Variants in TMEM135 observed in about 807,000 individuals in gnomAD.
TMEM135 encodes peroxisomal membrane protein 52.
Under a neutral mutation model 60.3 loss-of-function variants are expected in TMEM135, and 30 were observed. The ratio of observed to expected loss-of-function variants is 0.50; its 90% CI spans 0.37 to 0.68. TMEM135 has a LOEUF of 0.68. Ranked by LOEUF, TMEM135 falls within the 30% of genes least tolerant of loss-of-function variation. The probability of loss-of-function intolerance (pLI) is 0.00; values close to 1 mark genes in which losing one functional copy is unlikely to be tolerated. For synonymous variants in TMEM135, 190 were observed against 186.7 expected (o/e 1.02, Z -0.14); for missense variants, 468 against 548.8 (o/e 0.85, Z 1.47).
intron 4 of TMEM135, among the ~76,000 whole-genome samples, chr11:87,147,848 C>T (rs929696295): frequency 2.6e-5 from 4 of 152,198 alleles, no homozygotes; most frequent in Non-Finnish European, 5.9e-5. Context: ...ACCTCCACCT[C>T]CTGGGTTCAA....
intron 7 of TMEM135, among the ~76,000 whole-genome samples, chr11:87,300,108 T>C (rs1942417252): frequency 1.3e-5 from 2 of 152,214 alleles, no homozygotes; most frequent in South Asian, 4.1e-4. Flanking sequence ...AATATAATAA[T>C]AGCTTCTATA....
chr11:87,299,044 C>T (rs1232307223), intron 7 of TMEM135, among the ~76,000 whole-genome samples: 1 of 151,092 alleles, frequency 6.6e-6, no homozygotes, highest in African/African-American at 2.4e-5. Context: ...GCCGAGATTG[C>T]GCCACTGCAC....
At chr11:87,315,713 C>T (rs1040255264) in intron 12 of TMEM135, among the ~76,000 whole-genome samples, 2 of 151,854 alleles carry the variant, frequency 1.3e-5, no homozygotes, top group Non-Finnish European at 2.9e-5. Context: ...TCTGGAAAGT[C>T]AAAATAAAAT....
chr11:87,316,492 C>T (rs1942731808), intron 12 of TMEM135, among the ~76,000 whole-genome samples: 1 of 151,944 alleles, frequency 6.6e-6, no homozygotes. Context: ...TTAAGAAGAA[C>T]ATTTTGGCCA....
intron 6 of TMEM135, among the ~76,000 whole-genome samples, chr11:87,248,280 G>C (rs1311508784): frequency 6.6e-6 from 1 of 152,182 alleles, no homozygotes; most frequent in Non-Finnish European, 1.5e-5. Flanking sequence ...CCTCTAAACT[G>C]TTCTCCATAG....
At chr11:87,204,378 C>G (rs1392735273) in intron 5 of TMEM135, among the ~76,000 whole-genome samples, 1 of 151,924 alleles carries the variant, frequency 6.6e-6, no homozygotes, top group Non-Finnish European at 1.5e-5. Context: ...CTAGAGAGTA[C>G]CTTTTGTCCC....
At chr11:87,129,443 A>T (rs1191057295) in intron 4 of TMEM135, among the ~76,000 whole-genome samples, 1 of 151,564 alleles carries the variant, frequency 6.6e-6, no homozygotes, top group African/African-American at 2.4e-5. Flanking sequence ...TGGTTTCGCC[A>T]TATTGGCCAG....
Position 87,323,588 on chromosome 11 carries a change from T to G in TMEM135, c.*2255T>G. 1 of 453,718 alleles carries G rather than the reference T, an allele frequency of 2.2e-6. No individual in the cohort carries two copies. The highest frequency in any genetic ancestry group is 4.4e-6 in the Non-Finnish European group (1 of 226,682). 28.1% of individuals were successfully genotyped at this position (453,718 alleles called of 1,614,324 possible). ...ATGGTAAGTTTTCACTGGAACTGAT[T>G]ACAGTAAACAATAATATGTCCCCTT... On this transcript the variant is annotated 3_prime_UTR_variant, in exon 15 of 15. Coordinates refer to ENST00000305494, the MANE Select transcript of TMEM135 (RefSeq NM_022918.4).
chr11:87,288,912 T>C (rs989444429), intron 6 of TMEM135, among the ~76,000 whole-genome samples: 3 of 152,264 alleles, frequency 2.0e-5, no homozygotes, highest in East Asian at 1.9e-4. Context: ...ATTGTTTGAG[T>C]CCAGGAGTTT....
chr11:87,057,850 C>A (rs1281836370), intron 1 of TMEM135, among the ~76,000 whole-genome samples: 1 of 151,558 alleles, frequency 6.6e-6, no homozygotes, highest in Non-Finnish European at 1.5e-5. Context: ...AATTGGCTCA[C>A]AATTTTGGAG....
At chr11:87,091,510 CT>C in intron 4 of TMEM135, 115 bp downstream of exon 4, 1 of 971,982 alleles carries the variant, frequency 1.0e-6, no homozygotes, top group South Asian at 1.4e-5. Context: ...ATAATCTTCT[CT>C]GTGTTAATGG....
At chr11:87,161,637 T>C (rs902273978) in intron 5 of TMEM135, among the ~76,000 whole-genome samples, 2 of 152,184 alleles carry the variant, frequency 1.3e-5, no homozygotes, top group Non-Finnish European at 2.9e-5. Flanking sequence ...CATATATCTT[T>C]CTTACAGCAG....
chr11:87,098,427 A>G (rs1857379628), intron 4 of TMEM135, among the ~76,000 whole-genome samples: 1 of 152,154 alleles, frequency 6.6e-6, no homozygotes, highest in African/African-American at 2.4e-5. Context: ...AGATTAAAAG[A>G]TACAAAGATT....
At chr11:87,287,877 T>G (rs931507635) in intron 6 of TMEM135, among the ~76,000 whole-genome samples, 1 of 152,198 alleles carries the variant, frequency 6.6e-6, no homozygotes, top group Non-Finnish European at 1.5e-5. Flanking sequence ...AGTTTGAGTT[T>G]TATATTCTTT....
At chr11:87,141,100 A>C (rs970872445) in intron 4 of TMEM135, among the ~76,000 whole-genome samples, 1 of 151,586 alleles carries the variant, frequency 6.6e-6, no homozygotes, top group Non-Finnish European at 1.5e-5. Flanking sequence ...TTTTAATATA[A>C]ATTTTATACT....
intron 6 of TMEM135, chr11:87,258,799 T>G: frequency 1.7e-6 from 1 of 577,596 alleles, no homozygotes; most frequent in Non-Finnish European, 3.1e-6. Flanking sequence ...CAAACACAAT[T>G]GAATTTCTGA....
At chr11:87,142,717 C>T (rs1261212682) in intron 4 of TMEM135, among the ~76,000 whole-genome samples, 3 of 151,134 alleles carry the variant, frequency 2.0e-5, no homozygotes, top group East Asian at 3.9e-4. Context: ...CTCCCTTCTC[C>T]CTCCTTCACC....
intron 5 of TMEM135, among the ~76,000 whole-genome samples, chr11:87,166,581 C>G (rs377212409): frequency 6.6e-6 from 1 of 151,542 alleles, no homozygotes; most frequent in Non-Finnish European, 1.5e-5. Context: ...CCATTGCTTG[C>G]TTTTGTCAGG....
intron 1 of TMEM135, among the ~76,000 whole-genome samples, chr11:87,063,356 C>T (rs1949967558): frequency 6.6e-6 from 1 of 151,928 alleles, no homozygotes; most frequent in African/African-American, 2.4e-5. Context: ...TTGAAAAATT[C>T]ATAAGAAATT....
Sources: allele counts gnomAD v4.1 joint callset (sites outside exome capture counted in the v4.1 genomes callset), GRCh38; gene constraint gnomAD v4.1.1; transcripts MANE v1.5; gene names NCBI Gene and HGNC (gene_info 2026-07-23, HGNC 2026-07-21).